The following PLCG1 variants were observed in gnomAD, a reference collection of about 807,000 sequenced individuals.
The protein encoded by PLCG1 is phospholipase C gamma 1.
Under a neutral mutation model 177.8 loss-of-function variants are expected in PLCG1, and 71 were observed. That is an observed-to-expected ratio of 0.40 (90% confidence interval 0.33 to 0.49). PLCG1 has a LOEUF of 0.49. Ranked by LOEUF, PLCG1 falls within the 20% of genes least tolerant of loss-of-function variation. PLCG1 has a pLI of 0.72. For missense variants in PLCG1, 1,281 were observed against 1,709.0 expected, an observed-to-expected ratio of 0.75 and a Z score of 4.42; for synonymous variants, 658 against 647.9, an observed-to-expected ratio of 1.02 and a Z score of -0.24.
At chr20:41,152,070 G>C (rs752835088) in intron 1 of PLCG1, among the ~76,000 whole-genome samples, 3 of 151,694 alleles carry the variant, frequency 2.0e-5, no homozygotes, top group Non-Finnish European at 4.4e-5. Flanking sequence ...TGGTGGAGAA[G>C]GCTTAGCTCC....
Position 41,164,663 on chromosome 20 carries a change from G to A in PLCG1, c.1218-270G>A, listed in dbSNP as rs1483605304. Among the ~76,000 whole-genome samples the A allele has an allele frequency of 6.6e-6, 1 of 152,072 alleles. No homozygotes were observed. The highest frequency in any genetic ancestry group is 1.5e-5 in the Non-Finnish European group (1 of 68,038). ...CTTCTCCTCTCTCCTGGCCTCTTTG[G>A]TGTGAAACATTTTTCTTGCACTGCT... On this transcript the variant is annotated intron_variant, in intron 12 of 31. Transcript: ENST00000685551. The surrounding 1 kb of genome is among the most constrained non-coding windows in gnomAD (Gnocchi z 6.4).
rs74328884 is a variant in PLCG1, at chr20:41,156,735, C to T, written c.218-2871C>T. Among the ~76,000 whole-genome samples, 1 of 152,288 alleles carries T rather than the reference C, an allele frequency of 6.6e-6. No individual in the cohort carries two copies. The highest frequency in any genetic ancestry group is 2.4e-5 in the African/African-American group (1 of 41,550). On this transcript the variant is annotated intron_variant, in intron 1 of 31. Transcript: ENST00000685551. The surrounding 1 kb of genome is among the most constrained non-coding windows in gnomAD (Gnocchi z 5.0). ...AAGTAGTTCTCCCCTTCTCAAGCTCCTAAGTTCTGGGAAGGTCTCTTTTCC... is the reference window on the plus strand; with the variant it reads ...AAGTAGTTCTCCCCTTCTCAAGCTCTTAAGTTCTGGGAAGGTCTCTTTTCC...
chr20:41,145,289 G>C (rs1320223739), intron 1 of PLCG1, among the ~76,000 whole-genome samples: 1 of 152,214 alleles, frequency 6.6e-6, no homozygotes, highest in Non-Finnish European at 1.5e-5. Context: ...AACTAGGCTG[G>C]AGAGGGATTT....
rs1284187177 is a variant in PLCG1 at position 41,174,919 on chromosome 20, GA to G, written c.*413del. 3 of 203,344 alleles carry G rather than the reference GA, an allele frequency of 1.5e-5. No individual in the cohort carries two copies. The highest frequency in any genetic ancestry group is 3.0e-5 in the Non-Finnish European group (3 of 99,266). 12.6% of individuals were successfully genotyped at this position (203,344 alleles called of 1,614,324 possible). A position where few individuals can be genotyped will look rare whatever the true frequency, so the allele number is the denominator to read the frequency against. On this transcript the variant is annotated 3_prime_UTR_variant, in exon 32 of 32. Transcript: ENST00000685551. The surrounding 1 kb of genome is among the most constrained non-coding windows in gnomAD (Gnocchi z 5.8). ...GGAGGAGGAGCCTTGCTGGGCCAGG[GA>G]AACAAAGTTTACATTGTCCTGTAGC...
rs756083551 is a variant in PLCG1, at chr20:41,172,660, T to TGTGAGGAGG, written c.3130+26_3130+34dup. 5.9e-5 allele frequency: 95 copies of TGTGAGGAGG among 1,613,278 alleles called. No homozygotes were observed. In the African/African-American group the frequency reaches 1.2e-3, roughly 21 times the overall value. On this transcript the variant is annotated intron_variant, in intron 26 of 31. Transcript: ENST00000685551. This position sits in a 1 kb window ranked among gnomAD's most constrained non-coding sequence, Gnocchi z 7.0. Reference sequence around the variant, plus strand: ...CCAGACCCCTGGTGAGGAAGTCCCCTGTGAGGAGGGTGAGGAGGGGCACTG... The same window carrying TGTGAGGAGG: ...CCAGACCCCTGGTGAGGAAGTCCCCTGTGAGGAGGGTGAGGAGGGTGAGGAGGGGCACTG...
At chr20:41,169,556 T>A in intron 23 of PLCG1, 30 bp downstream of exon 23, 1 of 1,541,984 alleles carries the variant, frequency 6.5e-7, no homozygotes, top group Non-Finnish European at 9.0e-7. Flanking sequence ...TCTTGCCCAC[T>A]GTTCCCTAGG....
chr20:41,165,526 A>G lies in PLCG1; in HGVS notation c.1586A>G (p.Asn529Ser), dbSNP rs746437684. Reference sequence around the variant, plus strand: ...GAGGAGACCAGCAGTGACCAGGGCAACGAGGATGAGGAGGAGCCCAAGGAG... The same window carrying G: ...GAGGAGACCAGCAGTGACCAGGGCAGCGAGGATGAGGAGGAGCCCAAGGAG... ...YSEETSSDQGNEDEEEPKEVS... is the reference protein window; with the variant it reads ...YSEETSSDQGSEDEEEPKEVS... The change falls in exon 15 of 32, where the codon AAC (asparagine) becomes AGC (serine). Residue 529 changes from asparagine (N) to serine (S), a missense_variant. Asn to Ser is a conservative substitution (Grantham distance 46). This residue lies in a region of PLCG1 where 723 missense variants were observed against 1,030.0 expected (regional missense o/e 0.70). Transcript: ENST00000685551. The surrounding 1 kb of genome is among the most constrained non-coding windows in gnomAD (Gnocchi z 6.6). 1.1e-5 allele frequency: 18 copies of G among 1,613,848 alleles called. No homozygotes were observed. The highest frequency in any genetic ancestry group is 1.4e-5 in the Non-Finnish European group (17 of 1,179,894).
intron 1 of PLCG1, among the ~76,000 whole-genome samples, chr20:41,142,857 G>T (rs750702169): frequency 6.6e-6 from 1 of 152,194 alleles, no homozygotes; most frequent in Non-Finnish European, 1.5e-5. Context: ...TGCTTACTAC[G>T]TAGGATCCCT....
At chr20:41,169,578 C>T in intron 23 of PLCG1, 52 bp downstream of exon 23, 1 of 1,349,206 alleles carries the variant, frequency 7.4e-7, no homozygotes. Context: ...TGAGATTCTT[C>T]TTTGTATCTC....
At position 41,164,401 on chromosome 20, in the gene PLCG1, G is replaced by A. The variant is rs34515377; in HGVS notation, c.1217+200G>A. Among the ~76,000 whole-genome samples, 1,501 of 152,008 alleles carry A rather than the reference G, an allele frequency of 9.9e-3. 27 individuals carry two copies. Among genetic ancestry groups the A allele is most frequent in the African/African-American group, 0.034 (1,415 of 41,426 alleles). ...CCAAGTTACACTTTCTGTTTCCTACGTGTTGGGCCCACTCTCTTCTTCATG... is the reference window on the plus strand; with the variant it reads ...CCAAGTTACACTTTCTGTTTCCTACATGTTGGGCCCACTCTCTTCTTCATG... On this transcript the variant is annotated intron_variant, in intron 12 of 31. Transcript: ENST00000685551. This position sits in a 1 kb window ranked among gnomAD's most constrained non-coding sequence, Gnocchi z 6.4.
intron 1 of PLCG1, among the ~76,000 whole-genome samples, chr20:41,155,306 A>G (rs1470875131): frequency 2.0e-5 from 3 of 152,288 alleles, no homozygotes; most frequent in South Asian, 4.1e-4. Context: ...TCCTATGTGG[A>G]TATCTGTGAG....
At chr20:41,152,432 T>C (rs576149239) in intron 1 of PLCG1, among the ~76,000 whole-genome samples, 2 of 152,378 alleles carry the variant, frequency 1.3e-5, no homozygotes, top group African/African-American at 4.8e-5. Context: ...CCCCCAACTA[T>C]GCCTGCTGCT....
chr20:41,160,020 G>T lies in PLCG1; in HGVS notation c.464+57G>T. The stretch of plus-strand genomic sequence containing the variant: ...GGAGCATTAGGGACCAGGGGGACAG[G>T]GACAGCAGACCTTTGTGTGCCCAGA... On this transcript the variant is annotated intron_variant, in intron 3 of 31. Coordinates refer to ENST00000685551, the MANE Select transcript of PLCG1 (RefSeq NM_002660.3). The surrounding 1 kb of genome is among the most constrained non-coding windows in gnomAD (Gnocchi z 5.5). 4 of 1,598,230 alleles carry T rather than the reference G, an allele frequency of 2.5e-6. No individual in the cohort carries two copies. Among genetic ancestry groups the T allele is most frequent in the Non-Finnish European group, 3.4e-6 (4 of 1,165,620 alleles).
At position 41,173,896 on chromosome 20, in the gene PLCG1, T is replaced by G; in HGVS notation, c.3557-27T>G. On this transcript the variant is annotated intron_variant, in intron 29 of 31. Coordinates refer to ENST00000685551, the MANE Select transcript of PLCG1 (RefSeq NM_002660.3). This position sits in a 1 kb window ranked among gnomAD's most constrained non-coding sequence, Gnocchi z 6.2. ...GCCCCTTGCTCTGTCCCTCGTGGGCTGAGGGCCAGGCTTTTCCTCCTCCTA... is the reference window on the plus strand; with the variant it reads ...GCCCCTTGCTCTGTCCCTCGTGGGCGGAGGGCCAGGCTTTTCCTCCTCCTA... The G allele has an allele frequency of 1.2e-6, 2 of 1,611,018 alleles. No individual in the cohort carries two copies. Among genetic ancestry groups the G allele is most frequent in the Non-Finnish European group, 1.7e-6 (2 of 1,177,178 alleles).
chr20:41,149,214 G>C (rs1027037544), intron 1 of PLCG1, among the ~76,000 whole-genome samples: 2 of 152,276 alleles, frequency 1.3e-5, no homozygotes, highest in African/African-American at 4.8e-5. Context: ...GGACTCTAAC[G>C]TAAGCTATCT....
At position 41,174,399 on chromosome 20, in the gene PLCG1, G is replaced by T; in HGVS notation, c.3834-68G>T. The T allele has an allele frequency of 6.2e-7, 1 of 1,601,880 alleles. No homozygotes were observed. Among genetic ancestry groups the T allele is most frequent in the Non-Finnish European group, 8.5e-7 (1 of 1,171,088 alleles). The stretch of plus-strand genomic sequence containing the variant: ...TTTCTTTCTCCTGGGTAGAAAAGTT[G>T]TAATATTGTCTGGCATTGGGCTGCA... On this transcript the variant is annotated intron_variant, in intron 31 of 31. Transcript: ENST00000685551. This position sits in a 1 kb window ranked among gnomAD's most constrained non-coding sequence, Gnocchi z 5.8.
At position 41,137,990 on chromosome 20, in the gene PLCG1, GC is replaced by G; in HGVS notation, c.217+136del. 1 of 555,706 alleles carries G rather than the reference GC, an allele frequency of 1.8e-6. No homozygotes were observed. The highest frequency in any genetic ancestry group is 2.7e-6 in the Non-Finnish European group (1 of 369,092). 34.4% of individuals were successfully genotyped at this position (555,706 alleles called of 1,614,324 possible). On this transcript the variant is annotated intron_variant, in intron 1 of 31. Coordinates refer to ENST00000685551, the MANE Select transcript of PLCG1 (RefSeq NM_002660.3). This position sits in a 1 kb window ranked among gnomAD's most constrained non-coding sequence, Gnocchi z 7.3. ...TCGGGCCCTCCCAGACTCCCTCCGGGCCCCGCCCCCGCTTCGTCTCGGGTGG... is the reference window on the plus strand; with the variant it reads ...TCGGGCCCTCCCAGACTCCCTCCGGGCCCGCCCCCGCTTCGTCTCGGGTGG...
rs556993997 is a variant in PLCG1 at position 41,165,491 on chromosome 20, C to A, written c.1551C>A (p.Ile517=). 1.2e-6 allele frequency: 2 copies of A among 1,614,064 alleles called. No individual in the cohort carries two copies. Among genetic ancestry groups the A allele is most frequent in the East Asian group, 2.2e-5 (1 of 44,880 alleles). Residue 517 remains isoleucine (I), a synonymous_variant, in exon 15 of 32, where the codon ATC becomes ATA. Transcript: ENST00000685551. The surrounding 1 kb of genome is among the most constrained non-coding windows in gnomAD (Gnocchi z 6.6). ...ACTTTGTTCTGACCAGCAGCAAGAT[C>A]TACTACTCTGAGGAGACCAGCAGTG... ...PHYFVLTSSK[I]YYSEETSSDQ... is the part of the protein sequence containing the mutation.
At chr20:41,171,950 C>G (rs1029867270) in intron 24 of PLCG1, among the ~76,000 whole-genome samples, 25 of 152,314 alleles carry the variant, frequency 1.6e-4, no homozygotes, top group African/African-American at 5.5e-4. Context: ...TCCCCCACCC[C>G]CCCTAAGAGG....
Sources: gnomAD v4.1 joint callset for allele counts (sites outside exome capture counted in the v4.1 genomes callset) on GRCh38, gnomAD v4.1.1 for gene constraint, gnomAD v4.1.1 regional missense constraint, Gnocchi (gnomAD v3.1) non-coding constraint, MANE v1.5 for transcripts, NCBI Gene and HGNC (gene_info 2026-07-23, HGNC 2026-07-21) for gene names.